GALNT13: variants seen among roughly 807,000 people sequenced by gnomAD.
GALNT13 encodes the protein UDP-GalNAc:polypeptide N-acetylgalactosaminyltransferase 13.
GALNT13 carries 28 observed loss-of-function variants against 64.2 expected under a neutral mutation model. The observed-to-expected ratio is 0.44, with a 90% CI of 0.32 to 0.60. GALNT13 has a LOEUF of 0.60. GALNT13 is among the 20% of genes least tolerant of loss of function. The pLI is 0.05. For synonymous variants in GALNT13, 214 were observed against 224.6 expected, an observed-to-expected ratio of 0.95 and a Z score of 0.42; for missense variants, 577 against 669.8, an observed-to-expected ratio of 0.86 and a Z score of 1.53.
intron 3 of GALNT13, among the ~76,000 whole-genome samples, chr2:154,044,865 A>G (rs1000234905): frequency 1.3e-5 from 2 of 152,176 alleles, no homozygotes; most frequent in Non-Finnish European, 1.5e-5. Flanking sequence ...GGTAATTGAG[A>G]TACACAGGAT....
intron 3 of GALNT13, among the ~76,000 whole-genome samples, chr2:154,057,599 C>T (rs1366396458): frequency 2.6e-5 from 4 of 151,972 alleles, no homozygotes; most frequent in African/African-American, 4.8e-5. Flanking sequence ...AATGCAATAG[C>T]GGAACAAAGA....
intron 12 of GALNT13, among the ~76,000 whole-genome samples, chr2:154,447,941 C>A (rs1356589090): frequency 1.3e-5 from 2 of 152,022 alleles, no homozygotes; most frequent in Non-Finnish European, 2.9e-5. Context: ...CTGTAGAGTG[C>A]TAGAGCAGAG....
the GALNT13 span, chr2:153,478,761 C>T: frequency 2.5e-5 from 14 of 568,734 alleles, no homozygotes; most frequent in Non-Finnish European, 3.8e-5. Context: ...CTAGGCTCTT[C>T]TAAAGCCGTC....
chr2:154,005,670 A>G (rs1309896594), intron 3 of GALNT13, among the ~76,000 whole-genome samples: 2 of 152,294 alleles, frequency 1.3e-5, no homozygotes, highest in Middle Eastern at 3.4e-3. Flanking sequence ...CCAGATGCGT[A>G]CAAATATAAG....
the GALNT13 span, among the ~76,000 whole-genome samples, chr2:153,674,682 A>G: frequency 6.6e-6 from 1 of 152,210 alleles, no homozygotes; most frequent in Non-Finnish European, 1.5e-5. Flanking sequence ...ATGGCAACAA[A>G]AGCCAAAATT....
the GALNT13 span, among the ~76,000 whole-genome samples, chr2:153,820,010 T>C: frequency 1.3e-5 from 2 of 152,084 alleles, no homozygotes; most frequent in Non-Finnish European, 2.9e-5. Flanking sequence ...ACAAAGAAAC[T>C]TCTGAAGCAA....
At position 154,242,107 on chromosome 2, in the gene GALNT13, C is replaced by G. The variant is rs1689521056; in HGVS notation, c.389C>G (p.Thr130Ser). Reference sequence around the variant, plus strand: ...GTGTTTCATAATGAAGCTTGGAGCACTCTCCTTAGAACTGTTTACAGTGTG... The same window carrying G: ...GTGTTTCATAATGAAGCTTGGAGCAGTCTCCTTAGAACTGTTTACAGTGTG... ...VIVFHNEAWS[T>S]LLRTVYSVIN... The change falls in exon 5 of 13, where the codon ACT (threonine) becomes AGT (serine). Residue 130 changes from threonine (T) to serine (S), a missense_variant. Coordinates refer to ENST00000392825, the MANE Select transcript of GALNT13 (RefSeq NM_052917.4). The G allele has an allele frequency of 2.5e-6, 4 of 1,611,990 alleles. No individual in the cohort carries two copies. In the East Asian group the frequency reaches 8.9e-5, roughly 36 times the overall value.
intron 9 of GALNT13, among the ~76,000 whole-genome samples, chr2:154,375,788 C>A (rs1429855624): frequency 6.6e-6 from 1 of 152,162 alleles, no homozygotes; most frequent in African/African-American, 2.4e-5. Context: ...ATTAGCAAAT[C>A]CGACTGCATG....
chr2:153,842,034 G>T, the GALNT13 span, among the ~76,000 whole-genome samples: 6 of 152,018 alleles, frequency 3.9e-5, no homozygotes, highest in Admixed American at 3.9e-4. Flanking sequence ...GGGGAGCAGG[G>T]TGGAGGGTTG....
chr2:153,864,617 A>G, the GALNT13 span, among the ~76,000 whole-genome samples: 1 of 152,094 alleles, frequency 6.6e-6, no homozygotes, highest in Non-Finnish European at 1.5e-5. Flanking sequence ...GATGTGAAGG[A>G]CCTCTTCAAG....
intron 3 of GALNT13, among the ~76,000 whole-genome samples, chr2:154,122,753 A>G (rs1285010490): frequency 6.6e-6 from 1 of 152,034 alleles, no homozygotes; most frequent in Non-Finnish European, 1.5e-5. Flanking sequence ...AGCCTTGTTC[A>G]TACTATTTCT....
the GALNT13 span, among the ~76,000 whole-genome samples, chr2:153,126,428 T>TAACAAAATGTTTTCACCTACCTCC: frequency 8.6e-4 from 130 of 151,280 alleles, no homozygotes; most frequent in African/African-American, 3.1e-3. Context: ...GCTCTACTTC[T>TAACAAAATGTTTTCACCTACCTCC]AACAAAATGT....
the GALNT13 span, among the ~76,000 whole-genome samples, chr2:153,096,351 G>T: frequency 1.3e-5 from 2 of 151,958 alleles, no homozygotes; most frequent in Non-Finnish European, 2.9e-5. Flanking sequence ...ACAGCCATTC[G>T]ATAAAATGTT....
the GALNT13 span, among the ~76,000 whole-genome samples, chr2:153,103,337 T>G: frequency 6.6e-6 from 1 of 152,180 alleles, no homozygotes; most frequent in Non-Finnish European, 1.5e-5. Flanking sequence ...TCCTCTTGCA[T>G]AGAACACTCT....
At chr2:153,154,345 C>G in the GALNT13 span, among the ~76,000 whole-genome samples, 2 of 152,168 alleles carry the variant, frequency 1.3e-5, no homozygotes, top group Non-Finnish European at 2.9e-5. Flanking sequence ...TGCCTTCCAC[C>G]ATGATTATAA....
rs74933350 is a variant in GALNT13 at position 154,168,127 on chromosome 2, C to T, written c.311+27622C>T. ...AGGGTGTGGTATGGAGCCTGGCCAA[C>T]GTGAAGTGGTCTGGTGTATGGCAGG... On this transcript the variant is annotated intron_variant, in intron 4 of 12. Transcript: ENST00000392825. Among the ~76,000 whole-genome samples, 7 of 152,044 alleles carry T rather than the reference C, an allele frequency of 4.6e-5. No homozygotes were observed. In the East Asian group the frequency reaches 5.8e-4, roughly 13 times the overall value.
the GALNT13 span, among the ~76,000 whole-genome samples, chr2:153,525,712 T>C: frequency 5.9e-5 from 9 of 152,018 alleles, no homozygotes; most frequent in African/African-American, 2.2e-4. Flanking sequence ...CCAAAAAGGC[T>C]GGGGACCACT....
chr2:154,180,362 G>A (rs931658023), intron 4 of GALNT13, among the ~76,000 whole-genome samples: 7 of 150,706 alleles, frequency 4.6e-5, no homozygotes, highest in African/African-American at 1.7e-4. Context: ...AAACATTTTG[G>A]TAGGTCTTTT....
the GALNT13 span, among the ~76,000 whole-genome samples, chr2:153,666,383 G>A: frequency 6.6e-6 from 1 of 151,130 alleles, no homozygotes; most frequent in Admixed American, 6.6e-5. Context: ...CCGTCCTGCT[G>A]CTCCTGGTGT....
Sources: allele counts gnomAD v4.1 joint callset (sites outside exome capture counted in the v4.1 genomes callset), GRCh38; gene constraint gnomAD v4.1.1; transcripts MANE v1.5; gene names NCBI Gene and HGNC (gene_info 2026-07-23, HGNC 2026-07-21).